The following HOXB6 variants were observed in gnomAD, a reference collection of about 807,000 sequenced individuals.
HOXB6 encodes homeobox protein Hox-B6.
Under a neutral mutation model 24.2 loss-of-function variants are expected in HOXB6, and 18 were observed. The observed-to-expected ratio is 0.74, with a 90% CI of 0.51 to 1.10. HOXB6 has a LOEUF of 1.10. Among genes scored for constraint, HOXB6 ranks in the 50% least tolerant of loss-of-function variants. The pLI is 0.00. For synonymous variants in HOXB6, 159 were observed against 139.1 expected (o/e 1.14, Z -1.01); for missense variants, 332 against 308.3 (o/e 1.08, Z -0.58).
Position 48,598,147 on chromosome 17 carries a change from T to C in HOXB6, c.4A>G (p.Ser2Gly). 2.5e-6 allele frequency: 4 copies of C among 1,580,236 alleles called. No individual in the cohort carries two copies. The highest frequency in any genetic ancestry group is 1.7e-6 in the Non-Finnish European group (2 of 1,158,740). Reference protein sequence around the residue: MSSYFVNSTFPV... With the variant: MGSYFVNSTFPV... ...AAGGTGGAGTTCACGAAATAGGAAC[T>C]CATTGGGAGGGGAGGCGCGCGCGGC... Residue 2 changes from serine to glycine, a missense_variant, in exon 3 of 4, where the codon AGT becomes GGT. Coordinates refer to ENST00000225648, the MANE Select transcript of HOXB6 (RefSeq NM_018952.5).
chr17:48,599,109 C>T (rs1444053158), intron 2 of HOXB6, among the ~76,000 whole-genome samples: 1 of 152,222 alleles, frequency 6.6e-6, no homozygotes, highest in African/African-American at 2.4e-5. Flanking sequence ...GACTAGCCCT[C>T]TCCTCACTTG....
chr17:48,603,339 G>A (rs1218467659), intron 2 of HOXB6, among the ~76,000 whole-genome samples: 2 of 152,044 alleles, frequency 1.3e-5, no homozygotes, highest in Non-Finnish European at 2.9e-5. Context: ...TCTGTCACCT[G>A]CCCAATGTTC....
intron 2 of HOXB6, among the ~76,000 whole-genome samples, chr17:48,599,900 A>G (rs1567974909): frequency 1.3e-5 from 2 of 152,150 alleles, no homozygotes; most frequent in Non-Finnish European, 2.9e-5. Flanking sequence ...GGTACAAGAC[A>G]CTAGGGAAGG....
rs375898463 is a variant in HOXB6 at position 48,595,787 on chromosome 17, G to GTTGTTA, written c.*625_*626insTAACAA. On this transcript the variant is annotated 3_prime_UTR_variant, in exon 4 of 4. Transcript: ENST00000225648. Reference sequence around the variant, plus strand: ...CATCTTTATTATTGTTGTTGTTGTTGTTATTATTATTATTATTATCATCAT... The same window carrying GTTGTTA: ...CATCTTTATTATTGTTGTTGTTGTTGTTGTTATTATTATTATTATTATTATCATCAT... The GTTGTTA allele has an allele frequency of 1.1e-4, 19 of 172,558 alleles. No individual in the cohort carries two copies. The highest frequency in any genetic ancestry group is 9.8e-4 in the East Asian group (6 of 6,096). 10.7% of individuals were successfully genotyped at this position (172,558 alleles called of 1,614,324 possible).
Position 48,604,888 on chromosome 17 carries a change from T to TG in HOXB6, c.-242dup, listed in dbSNP as rs760411553. The TG allele has an allele frequency of 3.3e-5, 5 of 152,404 alleles. No individual in the cohort carries two copies. Among genetic ancestry groups the TG allele is most frequent in the Non-Finnish European group, 5.9e-5 (4 of 68,010 alleles). 9.4% of individuals were successfully genotyped at this position (152,404 alleles called of 1,614,324 possible). A position where few individuals can be genotyped will look rare whatever the true frequency, so the allele number is the denominator to read the frequency against. ...CCCCTCTCTCGTCCTCTCTCTCTTT[T>TG]GCTCTATCGAGCTGATACTGAAGTA... is the stretch of plus-strand genomic sequence containing the variant. On this transcript the variant is annotated 5_prime_UTR_variant, in exon 1 of 4. Transcript: ENST00000225648.
In HOXB6 at chr17:48,598,221, C is replaced by A; in HGVS notation, c.-71G>T. On this transcript the variant is annotated 5_prime_UTR_variant, in exon 3 of 4. Coordinates refer to ENST00000225648, the MANE Select transcript of HOXB6 (RefSeq NM_018952.5). ...GATTTGTTGTGTTTTATAGTCCGAG[C>A]GCCGCGCCTATTAGTAGTATATCCG... The A allele has an allele frequency of 6.9e-7, 1 of 1,438,962 alleles. No individual in the cohort carries two copies. Among genetic ancestry groups the A allele is most frequent in the East Asian group, 2.4e-5 (1 of 40,994 alleles). The allele number at this position is 1,438,962 out of a possible 1,614,324, so 89.1% of individuals were successfully genotyped here.
In HOXB6 at chr17:48,597,941, C is replaced by T. The variant is rs1274814021; in HGVS notation, c.210G>A (p.Ala70=). 18 of 1,571,774 alleles carry T rather than the reference C, an allele frequency of 1.1e-5. No individual in the cohort carries two copies. The highest frequency in any genetic ancestry group is 1.5e-5 in the Non-Finnish European group (17 of 1,159,116). Residue 70 remains alanine (A), a synonymous_variant, in exon 3 of 4, where the codon GCG becomes GCA. Coordinates refer to ENST00000225648, the MANE Select transcript of HOXB6 (RefSeq NM_018952.5). ...CCGGCGCCGGCCCGTAGTCGCAGGG[C>T]GCCGCTCGGCCGTAGCCACCGCCCG... ...PPAGGGYGRA[A]PCDYGPAPAF...
At position 48,596,506 on chromosome 17, in the gene HOXB6, G is replaced by A; in HGVS notation, c.582C>T (p.Phe194=). 6.2e-7 allele frequency: 1 copy of A among 1,614,254 alleles called. No homozygotes were observed. The highest frequency in any genetic ancestry group is 8.5e-7 in the Non-Finnish European group (1 of 1,180,054). ...CLTERQIKIW[F]QNRRMKWKKE... is the part of the protein sequence containing the mutation. ...TTTTCCACTTCATGCGTCGGTTCTG[G>A]AACCATATCTTGATCTGCCTCTCCG... The change falls in exon 4 of 4, where the codon TTC becomes TTT. Residue 194 remains phenylalanine, a synonymous_variant. Transcript: ENST00000225648. This position sits in a 1 kb window ranked among gnomAD's most constrained non-coding sequence, Gnocchi z 4.8.
intron 2 of HOXB6, chr17:48,602,073 A>G (rs1490616981): frequency 2.2e-6 from 1 of 455,746 alleles, no homozygotes. Context: ...AATCATATTT[A>G]GGTAGACTTC....
intron 2 of HOXB6, chr17:48,600,499 G>A (rs755373183): frequency 1.1e-5 from 5 of 455,778 alleles, no homozygotes; most frequent in Non-Finnish European, 1.8e-5. Context: ...GCCTGGAGTC[G>A]GGCATGAAAG....
chr17:48,596,399 C>T lies in HOXB6; in HGVS notation c.*14G>A. On this transcript the variant is annotated 3_prime_UTR_variant, in exon 4 of 4. Coordinates refer to ENST00000225648, the MANE Select transcript of HOXB6 (RefSeq NM_018952.5). This position sits in a 1 kb window ranked among gnomAD's most constrained non-coding sequence, Gnocchi z 4.8. ...GGCCTTTCCCCTCGCGTCCTCCCTC[C>T]CTTTCCAGCACCTTCACTCGGCCTG... is the stretch of plus-strand genomic sequence containing the variant. 1 of 1,614,242 alleles carries T rather than the reference C, an allele frequency of 6.2e-7. No homozygotes were observed. Among genetic ancestry groups the T allele is most frequent in the African/African-American group, 1.3e-5 (1 of 75,070 alleles).
rs1345485315 is a variant in HOXB6, at chr17:48,597,882, A to G, written c.269T>C (p.Leu90Pro). The change falls in exon 3 of 4, where the codon CTC (leucine) becomes CCC (proline). Residue 90 changes from leucine to proline, a missense_variant. Leu to Pro is a moderately conservative substitution (Grantham distance 98). Transcript: ENST00000225648. ...FYREKESACA[L>P]SGADEQPPFH... is the part of the protein sequence containing the mutation. Reference sequence around the variant, plus strand: ...CGGGGGCTGCTCGTCGGCGCCGGAGAGTGCGCAGGCCGACTCTTTCTCGCG... The same window carrying G: ...CGGGGGCTGCTCGTCGGCGCCGGAGGGTGCGCAGGCCGACTCTTTCTCGCG... 1 of 1,588,244 alleles carries G rather than the reference A, an allele frequency of 6.3e-7. No individual in the cohort carries two copies. The highest frequency in any genetic ancestry group is 8.6e-7 in the Non-Finnish European group (1 of 1,166,568).
intron 2 of HOXB6, chr17:48,601,951 T>A: frequency 5.2e-6 from 2 of 383,336 alleles, no homozygotes; most frequent in South Asian, 1.9e-5. Context: ...GGCCACCCCC[T>A]CTTGGGAAGG....
At chr17:48,598,798 G>T (rs2070387779) in intron 2 of HOXB6, among the ~76,000 whole-genome samples, 1 of 152,156 alleles carries the variant, frequency 6.6e-6, no homozygotes, top group African/African-American at 2.4e-5. Context: ...CTCCTCCCCA[G>T]GTTTTGAACA....
chr17:48,597,645 G>T, intron 3 of HOXB6, 91 bp downstream of exon 3: 1 of 1,370,104 alleles, frequency 7.3e-7, no homozygotes, highest in Non-Finnish European at 1.0e-6. Context: ...GCACCCTGTG[G>T]GAGATTGGGG....
chr17:48,602,719 G>A (rs2070499217), intron 2 of HOXB6, among the ~76,000 whole-genome samples: 1 of 152,238 alleles, frequency 6.6e-6, no homozygotes, highest in Admixed American at 6.5e-5. Flanking sequence ...GTGTCGCGGG[G>A]CTTGCGGCGC....
chr17:48,597,822 T>A lies in HOXB6; in HGVS notation c.329A>T (p.Gln110Leu). 6.2e-7 allele frequency: 1 copy of A among 1,606,712 alleles called. No individual in the cohort carries two copies. The highest frequency in any genetic ancestry group is 8.5e-7 in the Non-Finnish European group (1 of 1,176,164). ...HPEPRKSDCAQDKSVFGETEE... is the reference protein window; with the variant it reads ...HPEPRKSDCALDKSVFGETEE... ...TGTCTCGCCGAACACGCTCTTGTCC[T>A]GCGCGCAGTCCGACTTCCGCGGCTC... The change falls in exon 3 of 4, where the codon CAG (glutamine) becomes CTG (leucine). Residue 110 changes from glutamine to leucine, a missense_variant. Transcript: ENST00000225648.
intron 2 of HOXB6, among the ~76,000 whole-genome samples, 178 bp downstream of exon 2, chr17:48,604,302 G>A (rs746009525): frequency 6.6e-6 from 1 of 151,942 alleles, no homozygotes; most frequent in African/African-American, 2.4e-5. Flanking sequence ...CCCCCTCCAG[G>A]AAGCAGCCAC....
chr17:48,603,569 A>G (rs1267949441), intron 2 of HOXB6: 1 of 152,208 alleles, frequency 6.6e-6, no homozygotes, highest in Non-Finnish European at 1.5e-5. Flanking sequence ...CACAATCACC[A>G]TGTCTGGACC....
Sources: gnomAD v4.1 joint callset for allele counts (sites outside exome capture counted in the v4.1 genomes callset) on GRCh38, gnomAD v4.1.1 for gene constraint, Gnocchi (gnomAD v3.1) non-coding constraint, MANE v1.5 for transcripts, NCBI Gene and HGNC (gene_info 2026-07-23, HGNC 2026-07-21) for gene names.